The following NCBP3 variants were observed in gnomAD, a reference collection of about 807,000 sequenced individuals.
NCBP3 encodes nuclear cap-binding protein subunit 3.
In NCBP3, 20 loss-of-function variants were observed where a neutral mutation model predicts 75.7. The observed-to-expected ratio is 0.26, with a 90% CI of 0.19 to 0.38. The LOEUF (loss-of-function observed/expected upper bound fraction) is 0.38. NCBP3 is among the 10% of genes least tolerant of loss of function. The pLI is 1.00. For missense variants in NCBP3, 678 were observed against 796.9 expected, an observed-to-expected ratio of 0.85 and a Z score of 1.80; for synonymous variants, 293 against 290.5, an observed-to-expected ratio of 1.01 and a Z score of -0.09.
At chr17:3,844,897 G>A (rs923858751) in intron 1 of NCBP3, among the ~76,000 whole-genome samples, 4 of 152,216 alleles carry the variant, frequency 2.6e-5, no homozygotes, top group Non-Finnish European at 5.9e-5. Flanking sequence ...TCGCGCCATT[G>A]CGTTCCAGCC....
rs1273604457 is a variant in NCBP3 at position 3,809,268 on chromosome 17, A to G, written c.*3776T>C. 1.3e-5 allele frequency: 2 copies of G among 152,198 alleles called. No homozygotes were observed. Among genetic ancestry groups the G allele is most frequent in the African/African-American group, 4.8e-5 (2 of 41,444 alleles). The allele number at this position is 152,198 out of a possible 1,614,324, so 9.4% of individuals were successfully genotyped here. ...AATGGAAAATGATACAGCTGCTTGGAAAAACCACCTGGTGGTTCCTGAAAA... is the reference window on the plus strand; with the variant it reads ...AATGGAAAATGATACAGCTGCTTGGGAAAACCACCTGGTGGTTCCTGAAAA... On this transcript the variant is annotated 3_prime_UTR_variant, in exon 13 of 13. Coordinates refer to ENST00000389005, the MANE Select transcript of NCBP3 (RefSeq NM_001114118.3).
rs2053487792 is a variant in NCBP3, at chr17:3,814,412, T to G, written c.1537A>C (p.Arg513=). The G allele has an allele frequency of 3.7e-6, 6 of 1,614,206 alleles. No individual in the cohort carries two copies. The highest frequency in any genetic ancestry group is 1.6e-4 in the Middle Eastern group (1 of 6,062). The change falls in exon 12 of 13, where the codon AGA becomes CGA. Residue 513 remains arginine (R), a synonymous_variant. Coordinates refer to ENST00000389005, the MANE Select transcript of NCBP3 (RefSeq NM_001114118.3). ...KAFSSNPVVR[R]EPSSDVHSRL... is the part of the protein sequence containing the mutation. ...CTATGCACATCAGAAGAGGGCTCTC[T>G]CCGAACGACGGGGTTACTACTAAAA...
rs1269580326 is a variant in NCBP3 at position 3,807,349 on chromosome 17, C to G, written c.*5695G>C. The G allele has an allele frequency of 1.3e-5, 2 of 152,216 alleles. No individual in the cohort carries two copies. The highest frequency in any genetic ancestry group is 2.9e-5 in the Non-Finnish European group (2 of 68,050). 9.4% of individuals were successfully genotyped at this position (152,216 alleles called of 1,614,324 possible). A position where few individuals can be genotyped will look rare whatever the true frequency, so the allele number is the denominator to read the frequency against. On this transcript the variant is annotated 3_prime_UTR_variant, in exon 13 of 13. Coordinates refer to ENST00000389005, the MANE Select transcript of NCBP3 (RefSeq NM_001114118.3). ...GCTTTAGAGAGCTGGTAAGCTTCAGCTCCGACATGGCCAGATCATCAAAAT... is the reference window on the plus strand; with the variant it reads ...GCTTTAGAGAGCTGGTAAGCTTCAGGTCCGACATGGCCAGATCATCAAAAT...
At chr17:3,844,909 G>T (rs1247300492) in intron 1 of NCBP3, among the ~76,000 whole-genome samples, 1 of 152,212 alleles carries the variant, frequency 6.6e-6, no homozygotes, top group Non-Finnish European at 1.5e-5. Context: ...GTTCCAGCCT[G>T]GGCAACAAGA....
Position 3,825,773 on chromosome 17 carries a change from A to G in NCBP3, c.681T>C (p.Asp227=), listed in dbSNP as rs2143671965. 2 of 1,548,904 alleles carry G rather than the reference A, an allele frequency of 1.3e-6. No individual in the cohort carries two copies. Among genetic ancestry groups the G allele is most frequent in the South Asian group, 2.4e-5 (2 of 84,004 alleles). The change falls in exon 6 of 13, where the codon GAT becomes GAC. Residue 227 remains aspartate, a synonymous_variant. Coordinates refer to ENST00000389005, the MANE Select transcript of NCBP3 (RefSeq NM_001114118.3). ...TCTTTCCCCTATTACTAACCTCTAC[A>G]TCACTTGAGTTCTCATCTTCAACCT... is the stretch of plus-strand genomic sequence containing the variant. ...EGEVEDENSS[D]VELDTLSQVE...
chr17:3,832,630 CA>C (rs137993061), intron 3 of NCBP3, among the ~76,000 whole-genome samples: 17 of 141,886 alleles, frequency 1.2e-4, no homozygotes, highest in East Asian at 2.0e-4. Flanking sequence ...GAGGCCATCT[CA>C]AAAAAAAATA....
rs769556394 is a variant in NCBP3, at chr17:3,816,143, G to A, written c.1438C>T (p.Arg480Trp). The A allele has an allele frequency of 5.0e-6, 8 of 1,614,026 alleles. No homozygotes were observed. The highest frequency in any genetic ancestry group is 2.2e-5 in the South Asian group (2 of 91,050). The change falls in exon 11 of 13, where the codon CGG becomes TGG. Residue 480 changes from arginine to tryptophan, a missense_variant. By Grantham distance (101) the Arg-to-Trp change is moderately radical. This residue lies in a region of NCBP3 where 365 missense variants were observed against 392.7 expected (regional missense o/e 0.93). Transcript: ENST00000389005. ...GATTTAGTACTGCTGACTGGTGGCC[G>A]TGGACGGGAGTGCTGACGTTTCTCA... ...LDEKRQHSRPRPPVSSTKSDI... is the reference protein window; with the variant it reads ...LDEKRQHSRPWPPVSSTKSDI...
At chr17:3,823,133 G>A (rs971233849) in intron 7 of NCBP3, among the ~76,000 whole-genome samples, 4 of 152,186 alleles carry the variant, frequency 2.6e-5, no homozygotes, top group Admixed American at 1.3e-4. Context: ...CCAACATGGT[G>A]AACCCCATCT....
rs747260293 is a variant in NCBP3 at position 3,822,077 on chromosome 17, C to T, written c.797-25G>A. ...TCTAAAAATTAATGACAATAGTTAC[C>T]TAGGATTTCCTGTGAGTGTAAAGAC... On this transcript the variant is annotated intron_variant, in intron 7 of 12. Transcript: ENST00000389005. 2.1e-6 allele frequency: 3 copies of T among 1,443,504 alleles called. No individual in the cohort carries two copies. The East Asian group carries it at 6.8e-5, about 33-fold the overall frequency. The allele number at this position is 1,443,504 out of a possible 1,614,324, so 89.4% of individuals were successfully genotyped here. A position where few individuals can be genotyped will look rare whatever the true frequency, so the allele number is the denominator to read the frequency against.
In NCBP3 at chr17:3,832,315, A is replaced by T. The variant is rs2053891683; in HGVS notation, c.356-2947T>A. ...CACCTACTATGTACCCACAAAAATT[A>T]AAATAAATAAAATAATAATGTAAAA... On this transcript the variant is annotated intron_variant, in intron 3 of 12. Transcript: ENST00000389005. Among the ~76,000 whole-genome samples, 2 of 121,014 alleles carry T rather than the reference A, an allele frequency of 1.7e-5. 1 individual carries two copies. Among genetic ancestry groups the T allele is most frequent in the South Asian group, 5.9e-4 (2 of 3,382 alleles). The allele number at this position is 121,014 out of a possible 152,430, so 79.4% of individuals were successfully genotyped here.
In NCBP3 at chr17:3,822,335, A is replaced by G. The variant is rs79636752; in HGVS notation, c.797-283T>C. The G allele has an allele frequency of 7.2e-4, 189 of 262,834 alleles. 1 individual carries two copies. The highest frequency in any genetic ancestry group is 1.2e-3 in the Non-Finnish European group (168 of 139,960). The allele number at this position is 262,834 out of a possible 1,614,324, so 16.3% of individuals were successfully genotyped here. A position where few individuals can be genotyped will look rare whatever the true frequency, so the allele number is the denominator to read the frequency against. ...AACAATACAAGATACAAGGTTCCAA[A>G]AGGCATAAAAGAGCTTTAGGTCATT... On this transcript the variant is annotated intron_variant, in intron 7 of 12. Coordinates refer to ENST00000389005, the MANE Select transcript of NCBP3 (RefSeq NM_001114118.3).
chr17:3,832,179 G>A (rs1387761639), intron 3 of NCBP3, among the ~76,000 whole-genome samples: 3 of 73,162 alleles, frequency 4.1e-5, no homozygotes, highest in African/African-American at 1.2e-4. Context: ...GCAAGACTCC[G>A]TCGCAAAAAA....
At position 3,844,067 on chromosome 17, in the gene NCBP3, A is replaced by G. The variant is rs2054113934; in HGVS notation, c.184-916T>C. Among the ~76,000 whole-genome samples, 3 of 152,164 alleles carry G rather than the reference A, an allele frequency of 2.0e-5. No homozygotes were observed. In the South Asian group the frequency reaches 6.2e-4, roughly 32 times the overall value. ...AAATGTCAAAAGATAAGGCACAGTC[A>G]CTTAGCTCCCCAACCCAGTCTGAAC... On this transcript the variant is annotated intron_variant, in intron 1 of 12. Transcript: ENST00000389005.
intron 2 of NCBP3, among the ~76,000 whole-genome samples, chr17:3,842,529 A>G (rs1054754748): frequency 1.3e-4 from 20 of 152,234 alleles, no homozygotes; most frequent in Admixed American, 3.3e-4. Context: ...TTAAAAAAGC[A>G]TCCCCCGTCT....
At position 3,804,115 on chromosome 17, in the gene NCBP3, A is replaced by C. The variant is rs2053311911; in HGVS notation, c.*8929T>G. 1 of 152,248 alleles carries C rather than the reference A, an allele frequency of 6.6e-6. No individual in the cohort carries two copies. Among genetic ancestry groups the C allele is most frequent in the Non-Finnish European group, 1.5e-5 (1 of 68,058 alleles). 9.4% of individuals were successfully genotyped at this position (152,248 alleles called of 1,614,324 possible). A position where few individuals can be genotyped will look rare whatever the true frequency, so the allele number is the denominator to read the frequency against. ...GGTGCACTTGTAGTCACAGTTACTT[A>C]AGAGGTTCAAGCTACTTGGGAAAGC... On this transcript the variant is annotated 3_prime_UTR_variant, in exon 13 of 13. Transcript: ENST00000389005.
Position 3,818,289 on chromosome 17 carries a change from T to G in NCBP3, c.1284A>C (p.Glu428Asp), listed in dbSNP as rs1477970975. ...KSMKMTMYAD[E>D]VESQLKNIRN... is the part of the protein sequence containing the mutation. ...TAATATTTTTCAACTGAGATTCCAC[T>G]TCGTCAGCATACATAGTCATTTTCA... The change falls in exon 10 of 13, where the codon GAA becomes GAC. Residue 428 changes from glutamate (E) to aspartate (D), a missense_variant. Physicochemically the swap from Glu to Asp is conservative, Grantham distance 45 (BLOSUM62 2). This residue lies in a region of NCBP3 where 365 missense variants were observed against 392.7 expected (regional missense o/e 0.93). Coordinates refer to ENST00000389005, the MANE Select transcript of NCBP3 (RefSeq NM_001114118.3). This position sits in a 1 kb window ranked among gnomAD's most constrained non-coding sequence, Gnocchi z 4.7. The G allele has an allele frequency of 2.5e-6, 4 of 1,590,430 alleles. No individual in the cohort carries two copies. Among genetic ancestry groups the G allele is most frequent in the Non-Finnish European group, 3.4e-6 (4 of 1,168,482 alleles).
In NCBP3 at chr17:3,817,994, T is replaced by C. The variant is rs924941611; in HGVS notation, c.1310+269A>G. Among the ~76,000 whole-genome samples, 35 of 145,866 alleles carry C rather than the reference T, an allele frequency of 2.4e-4. 1 individual carries two copies. The highest frequency in any genetic ancestry group is 1.5e-5 in the Non-Finnish European group (1 of 66,960). ...ACACACACACACACACACACACAAA[T>C]AGCTGAAAGGTTATTCGCCAAATTG... On this transcript the variant is annotated intron_variant, in intron 10 of 12. Coordinates refer to ENST00000389005, the MANE Select transcript of NCBP3 (RefSeq NM_001114118.3).
rs764902988 is a variant in NCBP3 at position 3,811,961 on chromosome 17, C to T, written c.*1083G>A. 2.6e-5 allele frequency: 4 copies of T among 152,148 alleles called. No individual in the cohort carries two copies. The highest frequency in any genetic ancestry group is 4.8e-5 in the African/African-American group (2 of 41,432). 9.4% of individuals were successfully genotyped at this position (152,148 alleles called of 1,614,324 possible). A position where few individuals can be genotyped will look rare whatever the true frequency, so the allele number is the denominator to read the frequency against. The stretch of plus-strand genomic sequence containing the variant: ...TTGAAGATGTCTTCAGGTGCCACAA[C>T]GTGGGGACAGAAAGAATAAATATCA... On this transcript the variant is annotated 3_prime_UTR_variant, in exon 13 of 13. Coordinates refer to ENST00000389005, the MANE Select transcript of NCBP3 (RefSeq NM_001114118.3).
Position 3,805,313 on chromosome 17 carries a change from G to C in NCBP3, c.*7731C>G, listed in dbSNP as rs1264999011. On this transcript the variant is annotated 3_prime_UTR_variant, in exon 13 of 13. Transcript: ENST00000389005. Reference sequence around the variant, plus strand: ...GCAGAGATTTCATCCCACAAATGCAGACTGGGATCTCCACATGACCAGGTG... The same window carrying C: ...GCAGAGATTTCATCCCACAAATGCACACTGGGATCTCCACATGACCAGGTG... 1.3e-5 allele frequency: 2 copies of C among 152,246 alleles called. No individual in the cohort carries two copies. The highest frequency in any genetic ancestry group is 2.9e-5 in the Non-Finnish European group (2 of 68,074). The allele number at this position is 152,246 out of a possible 1,614,324, so 9.4% of individuals were successfully genotyped here. A position where few individuals can be genotyped will look rare whatever the true frequency, so the allele number is the denominator to read the frequency against.
Sources: allele counts gnomAD v4.1 joint callset (sites outside exome capture counted in the v4.1 genomes callset), GRCh38; gene constraint gnomAD v4.1.1; regional missense constraint gnomAD v4.1.1; non-coding constraint Gnocchi (gnomAD v3.1); transcripts MANE v1.5; gene names NCBI Gene and HGNC (gene_info 2026-07-23, HGNC 2026-07-21).